Variants in CASP10 observed in about 807,000 individuals in gnomAD.
CASP10 encodes the protein caspase 10.
A neutral mutation model predicts 48.5 loss-of-function variants in CASP10; 41 were observed. That is an observed-to-expected ratio of 0.85 (90% CI 0.66 to 1.10). The LOEUF (loss-of-function observed/expected upper bound fraction) is 1.10, where lower values mean the gene tolerates loss of function less well. Among genes scored for constraint, CASP10 ranks in the 50% least tolerant of loss-of-function variants. The pLI is 0.00. For missense variants in CASP10, 614 were observed against 614.5 expected, an observed-to-expected ratio of 1.00 and a Z score of 0.01; for synonymous variants, 232 against 238.4, an observed-to-expected ratio of 0.97 and a Z score of 0.25.
chr2:201,186,240 G>C (rs1234049361), intron 2 of CASP10, 116 bp downstream of exon 2: 1 of 759,648 alleles, frequency 1.3e-6, no homozygotes, highest in African/African-American at 1.7e-5. Flanking sequence ...CTCCTTGGAT[G>C]ATAAACCAGG....
chr2:201,207,672 G>T (rs937125430), intron 7 of CASP10, among the ~76,000 whole-genome samples: 1 of 151,914 alleles, frequency 6.6e-6, no homozygotes, highest in Non-Finnish European at 1.5e-5. Flanking sequence ...CAGAAGACTC[G>T]CTTGAACCCA....
Position 201,209,063 on chromosome 2 carries a change from T to TTTAAA in CASP10, c.923-7_923-6insTTAAA. The TTTAAA allele has an allele frequency of 6.2e-7, 1 of 1,605,452 alleles. No individual in the cohort carries two copies. The highest frequency in any genetic ancestry group is 2.2e-5 in the East Asian group (1 of 44,820). On this transcript the variant is annotated splice_region_variant and splice_polypyrimidine_tract_variant and intron_variant, in intron 8 of 9. Transcript: ENST00000286186. ...TCTCTTTTTTTTTTTTTTTTGTTTT[T>TTTAAA]AAACAGAGATCCTGAGTCATGTGTT... is the stretch of plus-strand genomic sequence containing the variant.
downstream of CASP10, among the ~76,000 whole-genome samples, chr2:201,226,422 T>C (rs1945788888): frequency 6.6e-6 from 1 of 152,204 alleles, no homozygotes; most frequent in Non-Finnish European, 1.5e-5. Flanking sequence ...ATGTTGGAAA[T>C]TTGCACACAG....
rs1944394453 is a variant in CASP10 at position 201,185,792 on chromosome 2, T to C, written c.15T>C (p.Gly5=). Residue 5 remains glycine (G), a synonymous_variant, in exon 2 of 10, where the codon GGT becomes GGC. Transcript: ENST00000286186. The part of the protein sequence containing the change: MKSQ[G]QHWYSSSDKN... Reference sequence around the variant, plus strand: ...TCAGGCTGGCCATGAAATCTCAAGGTCAACATTGGTATTCCAGTTCAGATA... The same window carrying C: ...TCAGGCTGGCCATGAAATCTCAAGGCCAACATTGGTATTCCAGTTCAGATA... 1 of 1,613,434 alleles carries C rather than the reference T, an allele frequency of 6.2e-7. No homozygotes were observed. Among genetic ancestry groups the C allele is most frequent in the Non-Finnish European group, 8.5e-7 (1 of 1,179,416 alleles).
intron 5 of CASP10, among the ~76,000 whole-genome samples, chr2:201,199,611 G>A (rs1196102730): frequency 9.2e-6 from 1 of 108,282 alleles, no homozygotes; most frequent in Non-Finnish European, 1.7e-5. Context: ...GTCTCACCCT[G>A]TCACCCAGGC....
chr2:201,208,394 C>T (rs1945280060), intron 8 of CASP10: 2 of 984,832 alleles, frequency 2.0e-6, no homozygotes, highest in African/African-American at 3.5e-5. Flanking sequence ...TAGAGGAGAG[C>T]ATGTACTGGG....
intron 3 of CASP10, among the ~76,000 whole-genome samples, chr2:201,188,187 T>A (rs1404914191): frequency 1.3e-5 from 2 of 152,128 alleles, no homozygotes; most frequent in Admixed American, 1.3e-4. Flanking sequence ...TTTTTGTTTT[T>A]GTTTTTTTTT....
chr2:201,217,175 G>T (rs1043490894), intron 9 of CASP10, among the ~76,000 whole-genome samples: 1 of 152,112 alleles, frequency 6.6e-6, no homozygotes, highest in Admixed American at 6.5e-5. Context: ...GGTATCTGTG[G>T]CATCTGCTGC....
chr2:201,200,809 A>G, intron 5 of CASP10: 2 of 1,004,666 alleles, frequency 2.0e-6, no homozygotes, highest in Non-Finnish European at 2.4e-6. Flanking sequence ...ATTATTTATA[A>G]AATCTTAAAT....
At chr2:201,208,974 G>A (rs1049431352) in intron 8 of CASP10, 96 bp from the exon 9 acceptor site, 77 of 1,383,230 alleles carry the variant, frequency 5.6e-5, no homozygotes, top group African/African-American at 2.3e-4. Context: ...CACTGTGCCC[G>A]GCCTTGTTTC....
At position 201,185,873 on chromosome 2, in the gene CASP10, G is replaced by T; in HGVS notation, c.96G>T (p.Gly32=). Residue 32 remains glycine, a synonymous_variant, in exon 2 of 10, where the codon GGG becomes GGT. Coordinates refer to ENST00000286186, the MANE Select transcript of CASP10 (RefSeq NM_032977.4). ...EKLLIIDSNL[G]VQDVENLKFL... ...TTCTGATTATTGATTCAAACCTGGG[G>T]GTCCAAGATGTGGAGAACCTCAAGT... The T allele has an allele frequency of 6.2e-7, 1 of 1,614,074 alleles. No homozygotes were observed. Among genetic ancestry groups the T allele is most frequent in the South Asian group, 1.1e-5 (1 of 91,082 alleles).
chr2:201,220,652 C>A lies in CASP10; in HGVS notation c.*2911C>A. ...GCTCTGACCTAACTCGGCCAGAAGC[C>A]CCTTTCAAATTTGTTTTCTCTAAAA... On this transcript the variant is annotated 3_prime_UTR_variant, in exon 10 of 10. Coordinates refer to ENST00000286186, the MANE Select transcript of CASP10 (RefSeq NM_032977.4). 1.4e-6 allele frequency: 1 copy of A among 724,938 alleles called. No homozygotes were observed. Among genetic ancestry groups the A allele is most frequent in the Non-Finnish European group, 1.7e-6 (1 of 592,204 alleles). 44.9% of individuals were successfully genotyped at this position (724,938 alleles called of 1,614,324 possible). A position where few individuals can be genotyped will look rare whatever the true frequency, so the allele number is the denominator to read the frequency against.
At chr2:201,187,563 T>G in intron 2 of CASP10, 143 bp from the exon 3 acceptor site, 1 of 732,052 alleles carries the variant, frequency 1.4e-6, no homozygotes, top group Non-Finnish European at 2.5e-6. Flanking sequence ...TTTCATTTTT[T>G]GAACCTATAA....
intron 9 of CASP10, among the ~76,000 whole-genome samples, chr2:201,211,187 G>C (rs960906888): frequency 3.3e-5 from 5 of 152,078 alleles, no homozygotes; most frequent in Non-Finnish European, 4.4e-5. Flanking sequence ...ATGTTGCCGA[G>C]GCTGGCCTTG....
chr2:201,228,852 G>A (rs1054917754), intron 9 of CASP10: 33 of 1,274,470 alleles, frequency 2.6e-5, no homozygotes, highest in African/African-American at 1.0e-4. Context: ...AAGCTATGCC[G>A]GGGTCCAGCC....
At chr2:201,183,591 A>G (rs1353631164) in intron 1 of CASP10, among the ~76,000 whole-genome samples, 1 of 152,220 alleles carries the variant, frequency 6.6e-6, no homozygotes, top group Non-Finnish European at 1.5e-5. Flanking sequence ...CAAATGCTAG[A>G]TGCGGTAGAA....
At chr2:201,202,765 T>C (rs1213376478) in intron 5 of CASP10, among the ~76,000 whole-genome samples, 6 of 152,148 alleles carry the variant, frequency 3.9e-5, no homozygotes, top group Non-Finnish European at 8.8e-5. Flanking sequence ...GGCTTTCTGC[T>C]GAAGGCTGAC....
intron 9 of CASP10, among the ~76,000 whole-genome samples, chr2:201,228,336 C>T (rs925464039): frequency 6.6e-6 from 1 of 151,920 alleles, no homozygotes; most frequent in African/African-American, 2.4e-5. Flanking sequence ...GCGAGACTCC[C>T]TCTAAAAAAA....
At chr2:201,200,620 C>A in intron 5 of CASP10, 1 of 1,468,466 alleles carries the variant, frequency 6.8e-7, no homozygotes. Flanking sequence ...CCTCATTCGG[C>A]AGGTGGAGGT....
Sources: gnomAD v4.1 joint callset for allele counts (sites outside exome capture counted in the v4.1 genomes callset) on GRCh38, gnomAD v4.1.1 for gene constraint, MANE v1.5 for transcripts, NCBI Gene and HGNC (gene_info 2026-07-23, HGNC 2026-07-21) for gene names.